The following L3MBTL4 variants were observed in gnomAD, a reference collection of about 807,000 sequenced individuals.
L3MBTL4 encodes the protein lethal(3)malignant brain tumor-like protein 4.
Under a neutral mutation model 84.5 loss-of-function variants are expected in L3MBTL4, and 70 were observed. That is an observed-to-expected ratio of 0.83 (90% CI 0.68 to 1.01). The LOEUF (loss-of-function observed/expected upper bound fraction) is 1.01, where lower values mean the gene tolerates loss of function less well. L3MBTL4 is among the 50% of genes least tolerant of loss of function. L3MBTL4 has a pLI of 0.00. For missense variants in L3MBTL4, 715 were observed against 754.8 expected, an observed-to-expected ratio of 0.95 and a Z score of 0.62; for synonymous variants, 274 against 259.8, an observed-to-expected ratio of 1.05 and a Z score of -0.52.
chr18:6,136,582 C>T (rs1300804523), intron 14 of L3MBTL4, among the ~76,000 whole-genome samples: 1 of 152,206 alleles, frequency 6.6e-6, no homozygotes, highest in African/African-American at 2.4e-5. Context: ...TTCACTTCAG[C>T]CTCTGATTGG....
intron 12 of L3MBTL4, among the ~76,000 whole-genome samples, chr18:6,180,425 G>A (rs1389687626): frequency 1.3e-5 from 2 of 151,900 alleles, no homozygotes; most frequent in Non-Finnish European, 2.9e-5. Flanking sequence ...GCTGCCCCTA[G>A]GTTTGTTCCT....
intron 1 of L3MBTL4, among the ~76,000 whole-genome samples, chr18:6,324,839 C>A (rs946316549): frequency 6.6e-6 from 1 of 152,000 alleles, no homozygotes; most frequent in African/African-American, 2.4e-5. Context: ...CAATAGCAGA[C>A]AGAACAATCT....
intron 1 of L3MBTL4, among the ~76,000 whole-genome samples, chr18:6,387,314 G>A (rs1041097826): frequency 6.6e-6 from 1 of 152,118 alleles, no homozygotes; most frequent in African/African-American, 2.4e-5. Flanking sequence ...CTCAAACTAG[G>A]ATACCCATAT....
chr18:6,384,883 T>A (rs2054751042), intron 1 of L3MBTL4, among the ~76,000 whole-genome samples: 1 of 152,118 alleles, frequency 6.6e-6, no homozygotes, highest in Middle Eastern at 3.2e-3. Flanking sequence ...GTATGCCATG[T>A]TCAAAAGAGA....
intron 16 of L3MBTL4, among the ~76,000 whole-genome samples, chr18:5,975,075 T>C (rs1036917573): frequency 6.6e-6 from 1 of 152,134 alleles, no homozygotes; most frequent in Non-Finnish European, 1.5e-5. Context: ...CTCTGCCCTC[T>C]CACCCATCCT....
At chr18:6,236,106 T>C (rs181041384) in intron 10 of L3MBTL4, among the ~76,000 whole-genome samples, 8 of 152,184 alleles carry the variant, frequency 5.3e-5, no homozygotes, top group Admixed American at 2.6e-4. Context: ...AAAATTCAGA[T>C]AGAAATGCAA....
intron 14 of L3MBTL4, among the ~76,000 whole-genome samples, chr18:6,120,924 A>G (rs1176774837): frequency 2.0e-5 from 3 of 152,196 alleles, no homozygotes; most frequent in Admixed American, 1.3e-4. Context: ...GCTGCTACAA[A>G]CATTCTGGTG....
intron 1 of L3MBTL4, among the ~76,000 whole-genome samples, chr18:6,338,106 G>A (rs1344329038): frequency 6.6e-6 from 1 of 151,526 alleles, no homozygotes; most frequent in African/African-American, 2.4e-5. Context: ...AGATGTTTTT[G>A]AACAAACAAA....
chr18:6,284,835 C>A (rs1055386872), intron 4 of L3MBTL4, among the ~76,000 whole-genome samples: 21 of 152,240 alleles, frequency 1.4e-4, no homozygotes, highest in African/African-American at 5.1e-4. Context: ...GCTGGAGGAG[C>A]CCAAACTGGT....
At chr18:6,029,395 T>C (rs1012708129) in intron 16 of L3MBTL4, 1 of 860,464 alleles carries the variant, frequency 1.2e-6, no homozygotes, top group Non-Finnish European at 1.4e-6. Flanking sequence ...TATTTGTAGG[T>C]GACATGTTTA....
chr18:6,167,637 C>A (rs1221824667), intron 13 of L3MBTL4, among the ~76,000 whole-genome samples: 2 of 152,148 alleles, frequency 1.3e-5, no homozygotes, highest in African/African-American at 4.8e-5. Context: ...ACCCTTCATG[C>A]TAAAAGCTCT....
At chr18:6,205,054 A>G (rs1332668158) in intron 12 of L3MBTL4, among the ~76,000 whole-genome samples, 1 of 152,250 alleles carries the variant, frequency 6.6e-6, no homozygotes, top group Non-Finnish European at 1.5e-5. Flanking sequence ...AGCTGTGAAT[A>G]GGTCCCGTAA....
At chr18:6,062,433 GA>G (rs1360594870) in intron 16 of L3MBTL4, among the ~76,000 whole-genome samples, 25 of 151,910 alleles carry the variant, frequency 1.6e-4, no homozygotes, top group African/African-American at 6.0e-4. Context: ...TGTATAGTGT[GA>G]ATATGACATA....
At chr18:5,983,287 C>G (rs561788425) in intron 16 of L3MBTL4, among the ~76,000 whole-genome samples, 6 of 152,178 alleles carry the variant, frequency 3.9e-5, no homozygotes. Context: ...CTTTCTACTT[C>G]AGGAATAGCC....
intron 1 of L3MBTL4, among the ~76,000 whole-genome samples, chr18:6,353,847 C>T (rs538564670): frequency 1.3e-5 from 2 of 152,058 alleles, no homozygotes; most frequent in African/African-American, 4.8e-5. Context: ...GTTAAAATGT[C>T]CATACTACCC....
intron 14 of L3MBTL4, among the ~76,000 whole-genome samples, chr18:6,112,784 T>C (rs2144125798): frequency 6.6e-6 from 1 of 152,272 alleles, no homozygotes; most frequent in South Asian, 2.1e-4. Context: ...GTTATATTTA[T>C]AAAAAAAGAA....
chr18:6,120,827 C>T (rs931000271), intron 14 of L3MBTL4, among the ~76,000 whole-genome samples: 1 of 152,190 alleles, frequency 6.6e-6, no homozygotes, highest in Non-Finnish European at 1.5e-5. Context: ...TGCAGTACAG[C>T]ATCCCACTGT....
chr18:6,169,126 G>A (rs185721289), intron 13 of L3MBTL4, among the ~76,000 whole-genome samples: 2 of 152,322 alleles, frequency 1.3e-5, no homozygotes, highest in African/African-American at 4.8e-5. Context: ...AAACCACAAT[G>A]AGATACCATC....
chr18:6,147,302 T>C (rs1403326906), intron 13 of L3MBTL4, among the ~76,000 whole-genome samples: 4 of 152,044 alleles, frequency 2.6e-5, no homozygotes, highest in Admixed American at 6.5e-5. Context: ...AGGTTAATCA[T>C]ACCTATTCTC....
Sources: allele counts gnomAD v4.1 joint callset (sites outside exome capture counted in the v4.1 genomes callset), GRCh38; gene constraint gnomAD v4.1.1; transcripts MANE v1.5; gene names NCBI Gene and HGNC (gene_info 2026-07-23, HGNC 2026-07-21).